The following TNFRSF10B variants were observed in gnomAD, a reference collection of about 807,000 sequenced individuals.
TNFRSF10B encodes the protein TNF receptor superfamily member 10b.
A neutral mutation model predicts 41.4 loss-of-function variants in TNFRSF10B; 35 were observed. The observed-to-expected ratio is 0.85, with a 90% confidence interval of 0.65 to 1.12. The LOEUF is 1.12. TNFRSF10B is among the 50% of genes most tolerant of loss of function. TNFRSF10B has a pLI of 0.00. For synonymous variants in TNFRSF10B, 230 were observed against 215.5 expected (o/e 1.07, Z -0.59); for missense variants, 584 against 552.7 (o/e 1.06, Z -0.57).
chr8:23,047,139 C>T (rs989399355), intron 1 of TNFRSF10B, among the ~76,000 whole-genome samples: 1 of 152,196 alleles, frequency 6.6e-6, no homozygotes, highest in South Asian at 2.1e-4. Context: ...TTCTGCGGAA[C>T]CTGAGGTCGG....
intron 1 of TNFRSF10B, among the ~76,000 whole-genome samples, chr8:23,058,610 C>T (rs571905532): frequency 6.6e-5 from 10 of 152,060 alleles, no homozygotes; most frequent in African/African-American, 1.9e-4. Flanking sequence ...CTCAGCTTCC[C>T]GAGTAGCTGG....
intron 1 of TNFRSF10B, among the ~76,000 whole-genome samples, chr8:23,055,521 T>TTAAAAA (rs1554510887): frequency 8.3e-6 from 1 of 120,548 alleles, no homozygotes. Flanking sequence ...ATTAAATGCT[T>TTAAAAA]AAAAAAAAAA....
At chr8:23,062,831 T>A (rs1812870398) in intron 1 of TNFRSF10B, among the ~76,000 whole-genome samples, 1 of 152,224 alleles carries the variant, frequency 6.6e-6, no homozygotes, top group Non-Finnish European at 1.5e-5. Context: ...AGAATTAATA[T>A]GGTAATATTA....
intron 1 of TNFRSF10B, among the ~76,000 whole-genome samples, chr8:23,050,265 C>T (rs1812488590): frequency 6.6e-6 from 1 of 150,886 alleles, no homozygotes; most frequent in Non-Finnish European, 1.5e-5. Flanking sequence ...TGCACTTCCC[C>T]TTGGGTTTTT....
At chr8:23,027,913 G>A (rs1012814492) in intron 5 of TNFRSF10B, 160 bp from the exon 6 acceptor site, 11 of 767,334 alleles carry the variant, frequency 1.4e-5, no homozygotes, top group African/African-American at 3.5e-5. Context: ...GAGACACCCT[G>A]AGGAAGGGGG....
chr8:23,040,360 A>G lies in TNFRSF10B; in HGVS notation c.250+2778T>C, dbSNP rs373857011. On this transcript the variant is annotated intron_variant, in intron 2 of 8. Transcript: ENST00000276431. ...TATTTATTAAATATATACAAAATAT[A>G]TATTTAATAAATATATATACAAAAT... Among the ~76,000 whole-genome samples the G allele has an allele frequency of 9.6e-4, 19 of 19,698 alleles. 1 individual carries two copies. The highest frequency in any genetic ancestry group is 3.0e-3 in the South Asian group (3 of 1,008). 12.9% of individuals were successfully genotyped at this position (19,698 alleles called of 152,430 possible). A position where few individuals can be genotyped will look rare whatever the true frequency, so the allele number is the denominator to read the frequency against.
chr8:23,062,863 T>C (rs1812871255), intron 1 of TNFRSF10B, among the ~76,000 whole-genome samples: 1 of 152,236 alleles, frequency 6.6e-6, no homozygotes, highest in South Asian at 2.1e-4. Flanking sequence ...AGACTTGAAA[T>C]AATACAGATT....
intron 1 of TNFRSF10B, among the ~76,000 whole-genome samples, chr8:23,052,578 G>T (rs540116376): frequency 4.5e-4 from 68 of 152,202 alleles, no homozygotes; most frequent in African/African-American, 1.5e-3. Flanking sequence ...GAGCCACCAC[G>T]CCTGGCCAAG....
chr8:23,026,932 G>C lies in TNFRSF10B; in HGVS notation c.936+201C>G, dbSNP rs765419050. ...GGCTCGGGGGACACAGCAAGGACAGGACAGGGAGTAAGAAGCAGATGTCCT... is the reference window on the plus strand; with the variant it reads ...GGCTCGGGGGACACAGCAAGGACAGCACAGGGAGTAAGAAGCAGATGTCCT... On this transcript the variant is annotated intron_variant, in intron 7 of 8. Transcript: ENST00000276431. Among the ~76,000 whole-genome samples, 3 of 152,150 alleles carry C rather than the reference G, an allele frequency of 2.0e-5. 1 individual carries two copies. The highest frequency in any genetic ancestry group is 4.4e-5 in the Non-Finnish European group (3 of 68,022).
Position 23,022,869 on chromosome 8 carries a change from T to G in TNFRSF10B, c.1125A>C (p.Ala375=). Residue 375 remains alanine (A), a synonymous_variant, in exon 9 of 9, where the codon GCA becomes GCC. Coordinates refer to ENST00000276431, the MANE Select transcript of TNFRSF10B (RefSeq NM_003842.5). The part of the protein sequence containing the change: ...DNEIKVAKAE[A]AGHRDTLYTM... ...TGTACAAGGTGTCCCTGTGGCCCGC[T>G]GCCTCAGCTTTAGCCACCTTTATCT... is the stretch of plus-strand genomic sequence containing the variant. The G allele has an allele frequency of 6.2e-7, 1 of 1,614,128 alleles. No homozygotes were observed. Among genetic ancestry groups the G allele is most frequent in the Non-Finnish European group, 8.5e-7 (1 of 1,180,022 alleles).
chr8:23,050,230 GT>G (rs1048517466), intron 1 of TNFRSF10B, among the ~76,000 whole-genome samples: 8 of 152,188 alleles, frequency 5.3e-5, no homozygotes, highest in African/African-American at 1.7e-4. Flanking sequence ...TTTTGCGTTA[GT>G]TTTGAGAGTC....
Position 23,027,720 on chromosome 8 carries a change from ACT to A in TNFRSF10B, c.780_780+1del. On this transcript the variant is annotated splice_donor_variant and coding_sequence_variant, in exon 6 of 9. Coordinates refer to ENST00000276431, the MANE Select transcript of TNFRSF10B (RefSeq NM_003842.5). LOFTEE classifies it high-confidence loss of function. ...CCCCAGCTCCTGGAGAAATCAACTC[ACT>A]CTGTCCACACGCTCAGGGTCCCCAC... 4 of 1,613,428 alleles carry A rather than the reference ACT, an allele frequency of 2.5e-6. No individual in the cohort carries two copies. Among genetic ancestry groups the A allele is most frequent in the Non-Finnish European group, 3.4e-6 (4 of 1,179,848 alleles).
chr8:23,053,810 T>C (rs1812587864), intron 1 of TNFRSF10B, among the ~76,000 whole-genome samples: 1 of 152,260 alleles, frequency 6.6e-6, no homozygotes, highest in African/African-American at 2.4e-5. Context: ...TATAAAATTA[T>C]ACAGGAAGCA....
intron 8 of TNFRSF10B, 64 bp downstream of exon 8, chr8:23,024,124 A>G: frequency 6.2e-7 from 1 of 1,603,964 alleles, no homozygotes; most frequent in Non-Finnish European, 8.5e-7. Flanking sequence ...CTCTGGGGAC[A>G]GCAGTTAGGA....
intron 7 of TNFRSF10B, among the ~76,000 whole-genome samples, chr8:23,026,576 G>A (rs1811709158): frequency 1.3e-5 from 2 of 152,208 alleles, no homozygotes; most frequent in African/African-American, 2.4e-5. Context: ...AGGACTTTCA[G>A]TGCTTACGAG....
intron 2 of TNFRSF10B, among the ~76,000 whole-genome samples, chr8:23,036,398 C>A (rs1039574623): frequency 6.6e-6 from 1 of 152,202 alleles, no homozygotes; most frequent in Non-Finnish European, 1.5e-5. Flanking sequence ...TTTTGCCTGG[C>A]CTGCACTTAT....
At position 23,068,969 on chromosome 8, in the gene TNFRSF10B, G is replaced by T; in HGVS notation, c.-75C>A. 4 of 1,609,874 alleles carry T rather than the reference G, an allele frequency of 2.5e-6. No individual in the cohort carries two copies. The highest frequency in any genetic ancestry group is 3.4e-6 in the Non-Finnish European group (4 of 1,178,180). ...TTAAAGTAGATCGGGCATCGTCGGT[G>T]TATTTTGTGGGCGCAGAGATTGCGG... On this transcript the variant is annotated 5_prime_UTR_variant, in exon 1 of 9. Transcript: ENST00000276431.
chr8:23,023,220 C>T (rs559184548), intron 8 of TNFRSF10B, among the ~76,000 whole-genome samples: 1 of 152,150 alleles, frequency 6.6e-6, no homozygotes, highest in Non-Finnish European at 1.5e-5. Flanking sequence ...AGCCCTCATA[C>T]AGGGCTGAGA....
At chr8:23,038,666 G>A (rs1812090517) in intron 2 of TNFRSF10B, among the ~76,000 whole-genome samples, 1 of 152,196 alleles carries the variant, frequency 6.6e-6, no homozygotes. Context: ...CTCTTCTGGA[G>A]AAAGGGTTAG....
Sources: gnomAD v4.1 joint callset for allele counts (sites outside exome capture counted in the v4.1 genomes callset) on GRCh38, gnomAD v4.1.1 for gene constraint, MANE v1.5 for transcripts, NCBI Gene and HGNC (gene_info 2026-07-23, HGNC 2026-07-21) for gene names.